The following GATA4 variants were observed in gnomAD, a reference collection of about 807,000 sequenced individuals.
GATA4 encodes the protein transcription factor GATA-4.
GATA4 carries 7 observed loss-of-function variants against 37.9 expected under a neutral mutation model. That is an observed-to-expected ratio of 0.18 (90% CI 0.11 to 0.35). The LOEUF (loss-of-function observed/expected upper bound fraction) is 0.35. GATA4 is among the 10% of genes least tolerant of loss of function. GATA4 has a pLI of 1.00. For missense variants in GATA4, 647 were observed against 653.0 expected, an observed-to-expected ratio of 0.99 and a Z score of 0.10; for synonymous variants, 372 against 292.6, an observed-to-expected ratio of 1.27 and a Z score of -2.77.
upstream of GATA4, among the ~76,000 whole-genome samples, chr8:11,703,198 C>A (rs902186541): frequency 6.6e-6 from 1 of 152,114 alleles, no homozygotes; most frequent in Non-Finnish European, 1.5e-5. Flanking sequence ...AAAAGTTTAA[C>A]CGAAAGCGTG....
At chr8:11,755,161 A>G (rs753724458) in intron 5 of GATA4, 28 bp downstream of exon 5, 52 of 1,567,340 alleles carry the variant, frequency 3.3e-5, no homozygotes, top group South Asian at 3.3e-5. Context: ...GAGTGATTAT[A>G]TGAGTACATC....
chr8:11,692,391 C>A, upstream of GATA4: 1 of 515,934 alleles, frequency 1.9e-6, no homozygotes, highest in Non-Finnish European at 2.5e-6. Flanking sequence ...TCTTTATACG[C>A]AGGTGTATTT....
Position 11,758,381 on chromosome 8 carries a change from C to G in GATA4, c.1238C>G (p.Ser413Cys), listed in dbSNP as rs772566236. ...AAGCTCTCCCCACAAGGCTATGCGT[C>G]TCCCGTCAGCCAGTCTCCACAGACC... ...ALKLSPQGYA[S>C]PVSQSPQTSS... The change falls in exon 7 of 7, where the codon TCT (serine) becomes TGT (cysteine). Residue 413 changes from serine to cysteine, a missense_variant. Ser to Cys is a moderately radical substitution (Grantham distance 112). This residue lies in a region of GATA4 where 184 missense variants were observed against 157.1 expected (regional missense o/e 1.17). Coordinates refer to ENST00000532059, the MANE Select transcript of GATA4 (RefSeq NM_001308093.3). The G allele has an allele frequency of 6.2e-7, 1 of 1,614,242 alleles. No homozygotes were observed. Among genetic ancestry groups the G allele is most frequent in the South Asian group, 1.1e-5 (1 of 91,088 alleles).
Position 11,686,817 on chromosome 8 carries a change from A to G in GATA4, c.-274+9754A>G, listed in dbSNP as rs546331246. On this transcript the variant is annotated intron_variant, in intron 1 of 6. Transcript: ENST00000528712. ...GTTCGAGACCAGCCTGACCAACATG[A>G]TGAAACCCCGTTTCTACTAAAAATA... 1.9e-3 allele frequency among the ~76,000 whole-genome samples: 287 copies of G among 152,154 alleles called. 2 individuals are homozygous for G. The highest frequency in any genetic ancestry group is 6.8e-3 in the African/African-American group (281 of 41,500).
At chr8:11,713,524 G>C (rs1034450772) in intron 2 of GATA4, among the ~76,000 whole-genome samples, 3 of 152,040 alleles carry the variant, frequency 2.0e-5, no homozygotes, top group Admixed American at 2.0e-4. Flanking sequence ...GGATGGAAGA[G>C]GGTTCTGGAA....
At chr8:11,755,453 C>T (rs566654171) in intron 5 of GATA4, among the ~76,000 whole-genome samples, 7 of 152,298 alleles carry the variant, frequency 4.6e-5, no homozygotes, top group African/African-American at 1.4e-4. Flanking sequence ...TCATCTTTGG[C>T]GCTGCAGCCA....
intron 2 of GATA4, among the ~76,000 whole-genome samples, chr8:11,714,923 T>C (rs1011605558): frequency 3.3e-5 from 5 of 152,166 alleles, no homozygotes; most frequent in African/African-American, 7.2e-5. Flanking sequence ...AATTGCAAAG[T>C]AGACAGCCTG....
At chr8:11,680,650 G>C (rs1798934831) in intron 1 of GATA4, 1 of 985,256 alleles carries the variant, frequency 1.0e-6, no homozygotes, top group Non-Finnish European at 1.2e-6. Flanking sequence ...TGCTGGGAAC[G>C]TGTCTCGGGT....
At chr8:11,746,897 G>T (rs1434298181) in intron 2 of GATA4, among the ~76,000 whole-genome samples, 2 of 152,216 alleles carry the variant, frequency 1.3e-5, no homozygotes, top group Non-Finnish European at 2.9e-5. Context: ...CTGTTTACTT[G>T]GTGTGGACAC....
At chr8:11,747,401 A>G (rs28628715) in intron 2 of GATA4, among the ~76,000 whole-genome samples, 22,605 of 152,168 alleles carry the variant, frequency 0.15, 1,996 homozygotes, top group African/African-American at 0.23. Context: ...GAGCGAGTGA[A>G]GGGAGCGGCA....
intron 1 of GATA4, among the ~76,000 whole-genome samples, chr8:11,679,143 C>A (rs1217737790): frequency 7.0e-6 from 1 of 143,698 alleles, no homozygotes; most frequent in East Asian, 2.0e-4. Context: ...AAACACTACA[C>A]GAAGTGGAGA....
intron 1 of GATA4, chr8:11,683,238 G>A (rs1220309071): frequency 1.3e-4 from 86 of 666,650 alleles, no homozygotes; most frequent in Non-Finnish European, 1.5e-4. Context: ...AGGACGGAGG[G>A]ACGGGGCTGG....
rs371709162 is a variant in GATA4, at chr8:11,749,093, C to G, written c.786+8C>G. The G allele has an allele frequency of 6.2e-7, 1 of 1,613,750 alleles. No homozygotes were observed. The highest frequency in any genetic ancestry group is 1.3e-5 in the African/African-American group (1 of 74,934). On this transcript the variant is annotated splice_region_variant and intron_variant, in intron 3 of 6. Transcript: ENST00000532059. This position sits in a 1 kb window ranked among gnomAD's most constrained non-coding sequence, Gnocchi z 4.6. Reference sequence around the variant, plus strand: ...AAGCCTCAGCGCCGGCTGGTAAGCACGTGCCTCGCAGCCTCCTCTGGGCAC... The same window carrying G: ...AAGCCTCAGCGCCGGCTGGTAAGCAGGTGCCTCGCAGCCTCCTCTGGGCAC...
intron 1 of GATA4, among the ~76,000 whole-genome samples, chr8:11,693,562 C>CACACACAGAGAGAGAGAGAG (rs1405047773): frequency 1.4e-5 from 1 of 72,144 alleles, no homozygotes; most frequent in African/African-American, 5.1e-5. Context: ...CACACACACA[C>CACACACAGAGAGAGAGAGAG]AGAGAGAGAG....
chr8:11,699,431 A>G (rs1404678147), upstream of GATA4, among the ~76,000 whole-genome samples: 1 of 152,182 alleles, frequency 6.6e-6, no homozygotes, highest in African/African-American at 2.4e-5. Context: ...AGGGCCCCTT[A>G]CAGACTCAAA....
chr8:11,690,483 A>G (rs564490977), upstream of GATA4, among the ~76,000 whole-genome samples: 47 of 152,350 alleles, frequency 3.1e-4, no homozygotes, highest in African/African-American at 1.1e-3. Flanking sequence ...AGGTTAAACT[A>G]AAATACAGTG....
chr8:11,729,305 C>T (rs1801091030), intron 2 of GATA4, among the ~76,000 whole-genome samples: 1 of 152,148 alleles, frequency 6.6e-6, no homozygotes, highest in South Asian at 2.1e-4. Flanking sequence ...CGCGGTGGCT[C>T]ATGCCTGTAA....
intron 2 of GATA4, among the ~76,000 whole-genome samples, chr8:11,710,344 AT>A (rs1456590790): frequency 6.6e-6 from 1 of 152,094 alleles, no homozygotes; most frequent in East Asian, 1.9e-4. Context: ...GCGCGGCGAC[AT>A]GGCCACACAA....
At chr8:11,691,786 G>A (rs145741107), upstream of GATA4, among the ~76,000 whole-genome samples, 300 of 152,186 alleles carry the variant, frequency 2.0e-3, 2 homozygotes, top group African/African-American at 7.1e-3. Context: ...CAGCAACCTG[G>A]GGTCCCTCCC....
Sources: allele counts gnomAD v4.1 joint callset (sites outside exome capture counted in the v4.1 genomes callset), GRCh38; gene constraint gnomAD v4.1.1; regional missense constraint gnomAD v4.1.1; non-coding constraint Gnocchi (gnomAD v3.1); transcripts MANE v1.5; gene names NCBI Gene and HGNC (gene_info 2026-07-23, HGNC 2026-07-21).